Variants in LRMDA observed in about 807,000 individuals in gnomAD.
The protein encoded by LRMDA is leucine-rich melanocyte differentiation-associated protein.
A neutral mutation model predicts 29.8 loss-of-function variants in LRMDA; 18 were observed. The ratio of observed to expected loss-of-function variants is 0.60; its 90% CI spans 0.42 to 0.90. The LOEUF (loss-of-function observed/expected upper bound fraction) is 0.90, where lower values mean the gene tolerates loss of function less well. LRMDA is among the 40% of genes least tolerant of loss of function. The pLI, the probability that LRMDA is intolerant of heterozygous loss-of-function variation, is 0.00. For missense variants in LRMDA, 273 were observed against 273.9 expected (o/e 1.00, Z 0.02); for synonymous variants, 125 against 109.4 (o/e 1.14, Z -0.89).
chr10:76,112,538 C>T (rs1849597896), intron 5 of LRMDA, among the ~76,000 whole-genome samples: 1 of 152,224 alleles, frequency 6.6e-6, no homozygotes, highest in Non-Finnish European at 1.5e-5. Context: ...AGCGCCTGAC[C>T]CCAAGCCCGT....
intron 2 of LRMDA, among the ~76,000 whole-genome samples, chr10:75,851,659 C>T (rs1014366885): frequency 6.6e-6 from 1 of 152,178 alleles, no homozygotes; most frequent in Non-Finnish European, 1.5e-5. Context: ...TGGCCATCAG[C>T]ATAAATAATG....
chr10:75,920,396 C>T (rs1589253729), intron 2 of LRMDA, among the ~76,000 whole-genome samples: 1 of 152,134 alleles, frequency 6.6e-6, no homozygotes, highest in Admixed American at 6.5e-5. Flanking sequence ...GATTGGAGAA[C>T]CTGCTTGTTC....
intron 2 of LRMDA, among the ~76,000 whole-genome samples, chr10:75,845,207 C>T (rs1470243055): frequency 2.0e-5 from 2 of 101,806 alleles, no homozygotes; most frequent in Non-Finnish European, 5.0e-5. Flanking sequence ...TTATGAGCCA[C>T]AGGTTTTTTT....
intron 5 of LRMDA, among the ~76,000 whole-genome samples, chr10:76,111,813 G>T (rs1217587316): frequency 3.3e-5 from 5 of 152,120 alleles, no homozygotes; most frequent in African/African-American, 4.8e-5. Context: ...TGGGGGTGGG[G>T]GGGGGCGCAT....
chr10:76,231,380 A>G (rs1852055755), intron 5 of LRMDA, among the ~76,000 whole-genome samples: 1 of 152,236 alleles, frequency 6.6e-6, no homozygotes, highest in Non-Finnish European at 1.5e-5. Flanking sequence ...GCCTGAATCA[A>G]AGGGCTAGAA....
At chr10:75,701,073 G>A (rs1842302901) in intron 2 of LRMDA, among the ~76,000 whole-genome samples, 1 of 152,192 alleles carries the variant, frequency 6.6e-6, no homozygotes, top group South Asian at 2.1e-4. Flanking sequence ...CTCCTGCATT[G>A]AGTGTGACTG....
Position 76,214,327 on chromosome 10 carries a change from C to A in LRMDA, c.517-110074C>A, listed in dbSNP as rs1257131171. ...TTTTACTGTAAGATGTCACTTGAAC[C>A]AAATTTTTTTTTTTTTTTTTTTTTT... On this transcript the variant is annotated intron_variant, in intron 5 of 6. Coordinates refer to ENST00000611255, the MANE Select transcript of LRMDA (RefSeq NM_001305581.2). 4.3e-5 allele frequency among the ~76,000 whole-genome samples: 6 copies of A among 138,276 alleles called. No homozygotes were observed. The Admixed American group carries it at 4.4e-4, about 10-fold the overall frequency. 90.7% of individuals were successfully genotyped at this position (138,276 alleles called of 152,430 possible). A position where few individuals can be genotyped will look rare whatever the true frequency, so the allele number is the denominator to read the frequency against.
chr10:75,502,718 A>G (rs1405443450), intron 2 of LRMDA, among the ~76,000 whole-genome samples: 1 of 152,174 alleles, frequency 6.6e-6, no homozygotes, highest in African/African-American at 2.4e-5. Flanking sequence ...ACTAGTGGGT[A>G]CACACTTCTT....
chr10:76,410,114 A>T (rs923357745), intron 6 of LRMDA, among the ~76,000 whole-genome samples: 3 of 152,038 alleles, frequency 2.0e-5, no homozygotes, highest in Non-Finnish European at 4.4e-5. Flanking sequence ...TGGAATGTTG[A>T]AGGCACGGAA....
chr10:76,287,373 C>T (rs1192980073), intron 5 of LRMDA, among the ~76,000 whole-genome samples: 1 of 152,112 alleles, frequency 6.6e-6, no homozygotes, highest in Non-Finnish European at 1.5e-5. Flanking sequence ...CCACAAAGAT[C>T]CTGTTCTGAA....
At chr10:75,699,161 A>G (rs983283346) in intron 2 of LRMDA, among the ~76,000 whole-genome samples, 1 of 150,820 alleles carries the variant, frequency 6.6e-6, no homozygotes, top group Non-Finnish European at 1.5e-5. Context: ...ATATCACACC[A>G]TTGTACTCCA....
chr10:76,530,026 C>T (rs1192186173), intron 6 of LRMDA, among the ~76,000 whole-genome samples: 1 of 152,118 alleles, frequency 6.6e-6, no homozygotes. Flanking sequence ...GTGTCTACCA[C>T]ACACCTGACT....
chr10:76,053,502 C>T (rs947839497), intron 4 of LRMDA, among the ~76,000 whole-genome samples: 2 of 147,204 alleles, frequency 1.4e-5, no homozygotes, highest in African/African-American at 4.9e-5. Context: ...GGAATCCTCT[C>T]TTGTATTTTT....
At chr10:76,191,424 T>A (rs1851244202) in intron 5 of LRMDA, among the ~76,000 whole-genome samples, 1 of 152,204 alleles carries the variant, frequency 6.6e-6, no homozygotes, top group Non-Finnish European at 1.5e-5. Flanking sequence ...GATATTTGAA[T>A]CCTTTGTCAC....
At chr10:75,803,627 T>C (rs1843794866) in intron 2 of LRMDA, among the ~76,000 whole-genome samples, 1 of 152,228 alleles carries the variant, frequency 6.6e-6, no homozygotes, top group African/African-American at 2.4e-5. Flanking sequence ...TGCATAGAAC[T>C]GCAGTGAGGA....
intron 2 of LRMDA, among the ~76,000 whole-genome samples, chr10:75,681,782 G>T (rs571772453): frequency 6.6e-6 from 1 of 152,358 alleles, no homozygotes; most frequent in African/African-American, 2.4e-5. Context: ...ACTGTTTGCT[G>T]AACAATATGG....
At chr10:76,263,091 C>G (rs1318677472) in intron 5 of LRMDA, among the ~76,000 whole-genome samples, 1 of 152,022 alleles carries the variant, frequency 6.6e-6, no homozygotes, top group Non-Finnish European at 1.5e-5. Context: ...AAAAAAAATT[C>G]AAATGCTATT....
At chr10:75,591,883 G>A (rs114602088) in intron 2 of LRMDA, among the ~76,000 whole-genome samples, 2 of 152,162 alleles carry the variant, frequency 1.3e-5, no homozygotes, top group African/African-American at 2.4e-5. Flanking sequence ...GGTGAAAAAC[G>A]TATCAGTCAA....
At chr10:76,005,799 G>A (rs1252624918) in intron 2 of LRMDA, among the ~76,000 whole-genome samples, 5 of 151,510 alleles carry the variant, frequency 3.3e-5, no homozygotes, top group Non-Finnish European at 7.4e-5. Flanking sequence ...GCTTGGTGGC[G>A]GGCGCCTGTA....
Sources: allele counts gnomAD v4.1 joint callset (sites outside exome capture counted in the v4.1 genomes callset), GRCh38; gene constraint gnomAD v4.1.1; transcripts MANE v1.5; gene names NCBI Gene and HGNC (gene_info 2026-07-23, HGNC 2026-07-21).